The following KLF12 variants were observed in gnomAD, a reference collection of about 807,000 sequenced individuals.
The protein encoded by KLF12 is KLF transcription factor 12.
KLF12 carries 9 observed loss-of-function variants against 37.8 expected under a neutral mutation model. The ratio of observed to expected loss-of-function variants is 0.24; its 90% CI spans 0.14 to 0.42. The LOEUF (loss-of-function observed/expected upper bound fraction) is 0.42. Among genes scored for constraint, KLF12 ranks in the 10% least tolerant of loss-of-function variants. The probability of loss-of-function intolerance (pLI) is 1.00; values close to 1 mark genes in which losing one functional copy is unlikely to be tolerated. For synonymous variants in KLF12, 208 were observed against 202.1 expected (o/e 1.03, Z -0.25); for missense variants, 411 against 516.0 (o/e 0.80, Z 1.97).
chr13:74,155,632 G>A, the KLF12 span, among the ~76,000 whole-genome samples: 1 of 151,946 alleles, frequency 6.6e-6, no homozygotes, highest in Non-Finnish European at 1.5e-5. Flanking sequence ...CAAAGTGCTG[G>A]GATTACAGGC....
chr13:74,193,997 G>C, the KLF12 span, among the ~76,000 whole-genome samples: 1 of 152,052 alleles, frequency 6.6e-6, no homozygotes, highest in African/African-American at 2.4e-5. Flanking sequence ...ACATTTTGAT[G>C]GGTTTGGATA....
At chr13:73,698,627 A>G (rs73214986) in intron 7 of KLF12, among the ~76,000 whole-genome samples, 19,318 of 152,232 alleles carry the variant, frequency 0.13, 1,360 homozygotes, top group Middle Eastern at 0.19. Context: ...ATTATATACG[A>G]TTTAAATTTT....
chr13:73,847,149 CA>C (rs1885074491), intron 3 of KLF12, among the ~76,000 whole-genome samples: 1 of 152,066 alleles, frequency 6.6e-6, no homozygotes, highest in Non-Finnish European at 1.5e-5. Flanking sequence ...TAATTTTACT[CA>C]TATATCTATT....
intron 1 of KLF12, among the ~76,000 whole-genome samples, chr13:74,114,650 TATTAAA>T (rs1309853256): frequency 0.019 from 2,882 of 152,286 alleles, 87 homozygotes; most frequent in African/African-American, 0.065. Context: ...AGAGACACAC[TATTAAA>T]ATCTGAGATA....
At chr13:73,957,209 C>A (rs1185899685) in intron 2 of KLF12, among the ~76,000 whole-genome samples, 1 of 68,332 alleles carries the variant, frequency 1.5e-5, no homozygotes, top group African/African-American at 3.8e-5. Context: ...GAAAATAACA[C>A]CTGATATAAA....
intron 5 of KLF12, among the ~76,000 whole-genome samples, chr13:73,765,643 A>T (rs1166157778): frequency 2.0e-5 from 3 of 152,192 alleles, no homozygotes; most frequent in Non-Finnish European, 2.9e-5. Flanking sequence ...AGCTTCCAGG[A>T]TTGGACTTAT....
In KLF12 at chr13:73,954,434, A is replaced by G. The variant is rs180671762; in HGVS notation, c.34-10364T>C. 8.8e-3 allele frequency among the ~76,000 whole-genome samples: 1,343 copies of G among 152,298 alleles called. 11 individuals are homozygous for G. Among genetic ancestry groups the G allele is most frequent in the Non-Finnish European group, 0.014 (921 of 68,024 alleles). ...AGTGGAATGTATGTTTCCAAAAAAA[A>G]GTGAGGCAGAAAAAATGATCTTTAG... is the stretch of plus-strand genomic sequence containing the variant. On this transcript the variant is annotated intron_variant, in intron 2 of 7. Coordinates refer to ENST00000377669, the MANE Select transcript of KLF12 (RefSeq NM_007249.5).
chr13:73,807,666 CAG>C (rs1456118666), intron 5 of KLF12, among the ~76,000 whole-genome samples: 1 of 152,164 alleles, frequency 6.6e-6, no homozygotes, highest in Non-Finnish European at 1.5e-5. Flanking sequence ...TAATCAAAAT[CAG>C]AGAGAGTAGA....
intron 3 of KLF12, among the ~76,000 whole-genome samples, chr13:73,848,849 G>C (rs1201137739): frequency 6.6e-6 from 1 of 152,054 alleles, no homozygotes; most frequent in Admixed American, 6.5e-5. Context: ...TAAAATCACA[G>C]AGACAGACGC....
chr13:73,918,981 GA>G, intron 3 of KLF12, among the ~76,000 whole-genome samples: 1 of 152,146 alleles, frequency 6.6e-6, no homozygotes, highest in Admixed American at 6.5e-5. Flanking sequence ...TGATTCTGGA[GA>G]ATCCCTGCCA....
At chr13:74,247,096 C>T in the KLF12 span, among the ~76,000 whole-genome samples, 42 of 151,544 alleles carry the variant, frequency 2.8e-4, no homozygotes, top group African/African-American at 9.9e-4. Context: ...TCTTTTTTTT[C>T]GACCAGATTT....
chr13:73,691,590 A>G lies in KLF12; in HGVS notation c.*3900T>C, dbSNP rs1393942882. 1 of 152,652 alleles carries G rather than the reference A, an allele frequency of 6.6e-6. No homozygotes were observed. Among genetic ancestry groups the G allele is most frequent in the Non-Finnish European group, 1.5e-5 (1 of 68,042 alleles). The allele number at this position is 152,652 out of a possible 1,614,324, so 9.5% of individuals were successfully genotyped here. On this transcript the variant is annotated 3_prime_UTR_variant, in exon 8 of 8. Transcript: ENST00000377669. ...TAATTTCTGTCAATCCTCACTATAA[A>G]TGTTAAGACATCTTTAGAACAACAT...
intron 1 of KLF12, among the ~76,000 whole-genome samples, chr13:74,026,529 G>T (rs1168888341): frequency 6.6e-6 from 1 of 152,112 alleles, no homozygotes. Flanking sequence ...TTTCATCTTT[G>T]TAAGTTACAT....
intron 5 of KLF12, among the ~76,000 whole-genome samples, chr13:73,791,325 T>G (rs1042904286): frequency 2.6e-5 from 4 of 152,238 alleles, no homozygotes; most frequent in African/African-American, 9.6e-5. Flanking sequence ...TAGAGCATTT[T>G]TATAAAAATA....
At chr13:73,909,037 C>T (rs575418106) in intron 3 of KLF12, among the ~76,000 whole-genome samples, 5 of 152,172 alleles carry the variant, frequency 3.3e-5, no homozygotes, top group South Asian at 2.1e-4. Context: ...ATACAGAGAT[C>T]GCCCTTCTCC....
chr13:74,234,671 T>C, the KLF12 span, among the ~76,000 whole-genome samples: 36 of 152,098 alleles, frequency 2.4e-4, no homozygotes, highest in Non-Finnish European at 5.0e-4. Context: ...CGTTTGGCTA[T>C]ACATACATTT....
intron 2 of KLF12, among the ~76,000 whole-genome samples, chr13:73,945,312 T>C (rs1458523300): frequency 1.3e-5 from 2 of 151,880 alleles, no homozygotes; most frequent in Non-Finnish European, 2.9e-5. Flanking sequence ...CTACTAAAAA[T>C]ACAAAAATTA....
chr13:73,889,899 G>A (rs568482302), intron 3 of KLF12, among the ~76,000 whole-genome samples: 126 of 152,164 alleles, frequency 8.3e-4, no homozygotes, highest in Non-Finnish European at 1.5e-3. Flanking sequence ...ATACAAAGTA[G>A]TTCTGCATTT....
chr13:74,203,060 T>C, the KLF12 span, among the ~76,000 whole-genome samples: 2 of 152,166 alleles, frequency 1.3e-5, no homozygotes, highest in African/African-American at 2.4e-5. Flanking sequence ...CTCAGTTTTC[T>C]GGCTTGGATG....
Sources: gnomAD v4.1 joint callset for allele counts (sites outside exome capture counted in the v4.1 genomes callset) on GRCh38, gnomAD v4.1.1 for gene constraint, MANE v1.5 for transcripts, NCBI Gene and HGNC (gene_info 2026-07-23, HGNC 2026-07-21) for gene names.